OR51B5: variants seen among roughly 807,000 people sequenced by gnomAD.
The protein encoded by OR51B5 is olfactory receptor 51B5.
For synonymous variants in OR51B5, 186 were observed against 144.8 expected (o/e 1.28, Z -2.04); for missense variants, 456 against 374.6 (o/e 1.22, Z -1.79).
intron 1 of OR51B5, among the ~76,000 whole-genome samples, chr11:5,407,202 G>T (rs1850070890): frequency 6.6e-6 from 1 of 152,038 alleles, no homozygotes; most frequent in Non-Finnish European, 1.5e-5. Flanking sequence ...GATAATTTTT[G>T]AGCTATATAC....
chr11:5,364,807 T>G (rs978195473), intron 1 of OR51B5, among the ~76,000 whole-genome samples: 14 of 152,222 alleles, frequency 9.2e-5, no homozygotes, highest in African/African-American at 3.4e-4. Flanking sequence ...GTTCTGGATA[T>G]GCTGAAGCCA....
At chr11:5,434,772 A>G (rs1850571364) in intron 1 of OR51B5, among the ~76,000 whole-genome samples, 1 of 152,178 alleles carries the variant, frequency 6.6e-6, no homozygotes, top group African/African-American at 2.4e-5. Context: ...CCTTATTTCA[A>G]TCTCATAACA....
At chr11:5,406,306 AT>A (rs1392715955) in intron 1 of OR51B5, among the ~76,000 whole-genome samples, 2 of 152,130 alleles carry the variant, frequency 1.3e-5, no homozygotes, top group Non-Finnish European at 2.9e-5. Context: ...TCTAGAATGG[AT>A]TTCTTTATAT....
chr11:5,365,329 C>A (rs1311616857), intron 1 of OR51B5, among the ~76,000 whole-genome samples: 1 of 152,172 alleles, frequency 6.6e-6, no homozygotes, highest in African/African-American at 2.4e-5. Context: ...GGGTATAGAG[C>A]ATACACTGAT....
At chr11:5,382,904 CA>C (rs1849631581) in intron 1 of OR51B5, among the ~76,000 whole-genome samples, 1 of 152,114 alleles carries the variant, frequency 6.6e-6, no homozygotes, top group South Asian at 2.1e-4. Flanking sequence ...CTCATCCCCA[CA>C]CAACTCTAAT....
chr11:5,477,986 G>A (rs1416897715), intron 1 of OR51B5, among the ~76,000 whole-genome samples: 11 of 151,954 alleles, frequency 7.2e-5, no homozygotes, highest in African/African-American at 2.4e-4. Context: ...CAGCCGGGAA[G>A]CTCCAACTGG....
At chr11:5,376,824 T>G (rs907704248) in intron 1 of OR51B5, among the ~76,000 whole-genome samples, 5 of 149,768 alleles carry the variant, frequency 3.3e-5, no homozygotes, top group Non-Finnish European at 7.4e-5. Context: ...ATCAATAGCT[T>G]ACCAACCAAA....
At chr11:5,341,617 T>C (rs1415467922), downstream of OR51B5, among the ~76,000 whole-genome samples, 2 of 152,190 alleles carry the variant, frequency 1.3e-5, no homozygotes, top group East Asian at 1.9e-4. Context: ...GAGAATGACA[T>C]TGTTGTATTC....
intron 1 of OR51B5, among the ~76,000 whole-genome samples, chr11:5,397,431 C>T (rs1308942647): frequency 6.6e-6 from 1 of 151,972 alleles, no homozygotes; most frequent in African/African-American, 2.4e-5. Flanking sequence ...ATTTATGCAG[C>T]CAAAAGACAC....
intron 1 of OR51B5, among the ~76,000 whole-genome samples, chr11:5,490,863 A>C (rs962273813): frequency 1.3e-5 from 2 of 152,216 alleles, no homozygotes; most frequent in African/African-American, 4.8e-5. Context: ...GAACAAAGCA[A>C]GCATTCAATT....
At chr11:5,423,518 A>G (rs1035751706) in intron 1 of OR51B5, among the ~76,000 whole-genome samples, 3 of 152,178 alleles carry the variant, frequency 2.0e-5, no homozygotes, top group African/African-American at 7.2e-5. Flanking sequence ...TGTTGCCCCT[A>G]TCACCTATTC....
intron 1 of OR51B5, among the ~76,000 whole-genome samples, chr11:5,470,549 C>G (rs1462819810): frequency 6.6e-6 from 1 of 152,196 alleles, no homozygotes; most frequent in East Asian, 1.9e-4. Context: ...ATTCACGCAG[C>G]CAATTTCCAA....
chr11:5,378,794 T>C lies in OR51B5; in HGVS notation n.85-31884A>G, dbSNP rs534541765. Among the ~76,000 whole-genome samples, 27 of 151,010 alleles carry C rather than the reference T, an allele frequency of 1.8e-4. 1 individual carries two copies. The highest frequency in any genetic ancestry group is 1.5e-3 in the Admixed American group (22 of 15,168). On this transcript the variant is annotated intron_variant and non_coding_transcript_variant, in intron 1 of 4. Transcript: ENST00000415970. The stretch of plus-strand genomic sequence containing the variant: ...CTCATACCAGTTAGAATGGCAATCA[T>C]TAAAAAGTCAGGAAACAACAGGTGC...
At chr11:5,411,627 C>T (rs1850150757) in intron 1 of OR51B5, among the ~76,000 whole-genome samples, 2 of 152,194 alleles carry the variant, frequency 1.3e-5, no homozygotes, top group Admixed American at 1.3e-4. Flanking sequence ...ATCCCTGGAA[C>T]TTCTGAATAT....
Position 5,397,629 on chromosome 11 carries a change from G to A in OR51B5, n.85-50719C>T, listed in dbSNP as rs1398947289. On this transcript the variant is annotated intron_variant and non_coding_transcript_variant, in intron 1 of 4. Coordinates refer to the OR51B5 transcript ENST00000415970. ...GACTGTAAACTAGTTCAAACATTGT[G>A]GAAGTCAGTGTGGTGATTCCTCAGG... Among the ~76,000 whole-genome samples the A allele has an allele frequency of 7.3e-5, 11 of 151,700 alleles. No homozygotes were observed. In the East Asian group the frequency reaches 2.1e-3, roughly 29 times the overall value.
chr11:5,360,146 G>T (rs1589953101), intron 1 of OR51B5, among the ~76,000 whole-genome samples: 2 of 151,016 alleles, frequency 1.3e-5, no homozygotes, highest in South Asian at 2.1e-4. Flanking sequence ...GGACAAATGG[G>T]ATCTAATTAA....
rs117284118 is a variant in OR51B5 at position 5,351,894 on chromosome 11, A to C, written n.85-4984T>G. The C allele has an allele frequency of 1.3e-3, 2,090 of 1,613,120 alleles. 4 individuals are homozygous for C. The highest frequency in any genetic ancestry group is 9.2e-3 in the African/African-American group (688 of 74,968). On this transcript the variant is annotated intron_variant and non_coding_transcript_variant, in intron 1 of 4. Transcript: ENST00000415970. ...TCATTACCATCCGCAGCCCCTTAAGATATACCTCTATCCTGACCAACACCC... is the reference window on the plus strand; with the variant it reads ...TCATTACCATCCGCAGCCCCTTAAGCTATACCTCTATCCTGACCAACACCC...
At chr11:5,405,648 A>G (rs1589978468) in intron 1 of OR51B5, among the ~76,000 whole-genome samples, 1 of 152,226 alleles carries the variant, frequency 6.6e-6, no homozygotes, top group Admixed American at 6.5e-5. Flanking sequence ...ACACACCTAT[A>G]AAGCTTCTGA....
intron 1 of OR51B5, among the ~76,000 whole-genome samples, chr11:5,426,200 G>A (rs899014177): frequency 6.6e-6 from 1 of 152,144 alleles, no homozygotes; most frequent in Non-Finnish European, 1.5e-5. Context: ...TGGTAGTCAA[G>A]GTTTTGGGGA....
Sources: gnomAD v4.1 joint callset for allele counts (sites outside exome capture counted in the v4.1 genomes callset) on GRCh38, gnomAD v4.1.1 for gene constraint, MANE v1.5 for transcripts, NCBI Gene and HGNC (gene_info 2026-07-23, HGNC 2026-07-21) for gene names.